Variants in EYS observed in about 807,000 individuals in gnomAD.
EYS encodes EGF-like photoreceptor maintenance factor, also known as protein eyes shut homolog.
A neutral mutation model predicts 282.1 loss-of-function variants in EYS; 250 were observed. That is an observed-to-expected ratio of 0.89 (90% CI 0.80 to 0.98). The LOEUF (loss-of-function observed/expected upper bound fraction) is 0.98. Ranked by LOEUF, EYS falls within the 50% of genes least tolerant of loss-of-function variation. The pLI is 0.00. For synonymous variants in EYS, 1,355 were observed against 1,282.9 expected, an observed-to-expected ratio of 1.06 and a Z score of -1.20; for missense variants, 4,016 against 3,709.0, an observed-to-expected ratio of 1.08 and a Z score of -2.15.
At chr6:65,524,846 A>G (rs1454978391) in intron 2 of EYS, among the ~76,000 whole-genome samples, 1 of 152,234 alleles carries the variant, frequency 6.6e-6, no homozygotes, top group Non-Finnish European at 1.5e-5. Context: ...CTTTTATGAC[A>G]GAAGTGTCTC....
intron 22 of EYS, among the ~76,000 whole-genome samples, chr6:64,712,933 C>G (rs1771259875): frequency 6.6e-6 from 1 of 152,128 alleles, no homozygotes; most frequent in South Asian, 2.1e-4. Context: ...CATAAAGCCA[C>G]ACATCAAAAC....
At chr6:64,598,450 G>C (rs1335029415) in intron 24 of EYS, among the ~76,000 whole-genome samples, 1 of 152,226 alleles carries the variant, frequency 6.6e-6, no homozygotes, top group Non-Finnish European at 1.5e-5. Context: ...GACAGTGCGA[G>C]ACTCCGTCTC....
At chr6:64,428,891 AT>A (rs1774496134) in intron 28 of EYS, among the ~76,000 whole-genome samples, 1 of 152,138 alleles carries the variant, frequency 6.6e-6, no homozygotes, top group African/African-American at 2.4e-5. Flanking sequence ...CCTGGGTACA[AT>A]AGCTTCCCAG....
chr6:63,956,998 T>A (rs1015592571), intron 35 of EYS, among the ~76,000 whole-genome samples: 2 of 152,220 alleles, frequency 1.3e-5, no homozygotes, highest in Non-Finnish European at 2.9e-5. Flanking sequence ...TTTAGCATTT[T>A]CTGGAGTGTC....
chr6:65,427,485 T>C (rs1421361018), intron 5 of EYS, among the ~76,000 whole-genome samples: 1 of 152,098 alleles, frequency 6.6e-6, no homozygotes, highest in Non-Finnish European at 1.5e-5. Context: ...CTTTAAATTG[T>C]GTTTTCAATA....
chr6:65,070,676 C>A (rs779127749), intron 12 of EYS, among the ~76,000 whole-genome samples: 9 of 151,746 alleles, frequency 5.9e-5, no homozygotes, highest in East Asian at 3.9e-4. Flanking sequence ...GAGAAATCTT[C>A]TTTTTCTATG....
intron 8 of EYS, among the ~76,000 whole-genome samples, chr6:65,377,926 A>T (rs1026206197): frequency 6.6e-6 from 1 of 152,068 alleles, no homozygotes; most frequent in Admixed American, 6.6e-5. Context: ...CCTACCAACC[A>T]AAAAAAGCCA....
chr6:64,895,323 T>G (rs1767424577), intron 18 of EYS, among the ~76,000 whole-genome samples: 1 of 152,224 alleles, frequency 6.6e-6, no homozygotes, highest in Admixed American at 6.5e-5. Context: ...GTGTTCTAAT[T>G]AGTGAAGCTC....
intron 26 of EYS, among the ~76,000 whole-genome samples, chr6:64,477,599 T>C (rs1776313857): frequency 6.6e-6 from 1 of 152,112 alleles, no homozygotes; most frequent in Non-Finnish European, 1.5e-5. Context: ...TTCACTGCTG[T>C]TGTGTCAAAG....
chr6:64,943,901 TAGAG>T (rs1283617932), intron 15 of EYS, among the ~76,000 whole-genome samples: 2 of 151,956 alleles, frequency 1.3e-5, no homozygotes, highest in Admixed American at 6.6e-5. Context: ...AAAGCAATCT[TAGAG>T]AGGAAATAAA....
At chr6:64,463,610 A>G (rs1775826744) in intron 26 of EYS, among the ~76,000 whole-genome samples, 1 of 152,228 alleles carries the variant, frequency 6.6e-6, no homozygotes, top group Non-Finnish European at 1.5e-5. Context: ...AAATAATGCA[A>G]TTAGATGCAT....
chr6:64,992,625 T>C (rs1391779483), intron 14 of EYS, among the ~76,000 whole-genome samples: 1 of 151,962 alleles, frequency 6.6e-6, no homozygotes, highest in East Asian at 1.9e-4. Flanking sequence ...TTTGTCTCTC[T>C]TTTTGCTACA....
At chr6:64,962,890 T>C (rs1180389959) in intron 14 of EYS, among the ~76,000 whole-genome samples, 1 of 152,234 alleles carries the variant, frequency 6.6e-6, no homozygotes, top group African/African-American at 2.4e-5. Flanking sequence ...CACAAATTTC[T>C]ATAATTTTGA....
chr6:64,852,109 G>T (rs1002156145), intron 19 of EYS, among the ~76,000 whole-genome samples: 29 of 151,872 alleles, frequency 1.9e-4, no homozygotes, highest in Non-Finnish European at 4.4e-5. Flanking sequence ...TGTCCATCAA[G>T]AGCCTGTGAT....
intron 2 of EYS, among the ~76,000 whole-genome samples, chr6:65,532,586 C>T (rs140923353): frequency 4.6e-5 from 7 of 152,142 alleles, no homozygotes; most frequent in East Asian, 1.9e-4. Flanking sequence ...AATTGCTTTA[C>T]GTTTAAAGGG....
intron 29 of EYS, among the ~76,000 whole-genome samples, chr6:64,388,067 G>A (rs568845548): frequency 6.6e-6 from 1 of 152,120 alleles, no homozygotes; most frequent in South Asian, 2.1e-4. Context: ...TAAGCTACTG[G>A]TATACTTAAC....
At chr6:65,387,933 G>A (rs1765862925) in intron 7 of EYS, among the ~76,000 whole-genome samples, 7 of 151,930 alleles carry the variant, frequency 4.6e-5, no homozygotes. Flanking sequence ...CAGTTTCAAT[G>A]CTGTCATTGA....
intron 12 of EYS, among the ~76,000 whole-genome samples, chr6:65,231,147 A>ATATATATACTTT (rs1156576546): frequency 2.1e-5 from 3 of 146,012 alleles, no homozygotes; most frequent in South Asian, 2.1e-4. Context: ...ATATACTTTT[A>ATATATATACTTT]TATATATACT....
intron 22 of EYS, among the ~76,000 whole-genome samples, chr6:64,658,815 A>G (rs886580122): frequency 2.6e-5 from 4 of 152,180 alleles, no homozygotes; most frequent in African/African-American, 9.7e-5. Flanking sequence ...CACTGTCAAT[A>G]TTAGACAGAT....
Sources: allele counts gnomAD v4.1 joint callset (sites outside exome capture counted in the v4.1 genomes callset), GRCh38; gene constraint gnomAD v4.1.1; transcripts MANE v1.5; gene names NCBI Gene and HGNC (gene_info 2026-07-23, HGNC 2026-07-21).